The following QARS1 variants were observed in gnomAD, a reference collection of about 807,000 sequenced individuals.
The protein encoded by QARS1 is glutamine--tRNA ligase.
A neutral mutation model predicts 106.9 loss-of-function variants in QARS1; 79 were observed. The observed-to-expected ratio is 0.74, with a 90% CI of 0.62 to 0.89. QARS1 has a LOEUF of 0.89. Ranked by LOEUF, QARS1 falls within the 40% of genes least tolerant of loss-of-function variation. The pLI is 0.00. For missense variants in QARS1, 966 were observed against 997.2 expected (o/e 0.97, Z 0.42); for synonymous variants, 395 against 367.7 (o/e 1.07, Z -0.85).
chr3:49,099,197 C>T lies in QARS1; in HGVS notation c.1671G>A (p.Val557=), dbSNP rs115671018. The T allele has an allele frequency of 1.2e-6, 2 of 1,614,210 alleles. No homozygotes were observed. Among genetic ancestry groups the T allele is most frequent in the South Asian group, 2.2e-5 (2 of 91,088 alleles). Residue 557 remains valine (V), a synonymous_variant, in exon 18 of 24, where the codon GTG becomes GTA. Transcript: ENST00000306125. ...TMEPHLLEAC[V]RDVLNDTAPR... ...GGGCTGTGTCATTCAGCACATCACGCACACAGGCTTCTAGAAGATGTGGCT... is the reference window on the plus strand; with the variant it reads ...GGGCTGTGTCATTCAGCACATCACGTACACAGGCTTCTAGAAGATGTGGCT...
Position 49,103,872 on chromosome 3 carries a change from A to C in QARS1, c.366T>G (p.Ile122Met). The C allele has an allele frequency of 6.2e-7, 1 of 1,613,948 alleles. No homozygotes were observed. Among genetic ancestry groups the C allele is most frequent in the Non-Finnish European group, 8.5e-7 (1 of 1,179,968 alleles). ...CTGGGGAAAGACTCACAGCCTCCTCAATCTGCTCTGGGGTCACAATGACAC... is the reference window on the plus strand; with the variant it reads ...CTGGGGAAAGACTCACAGCCTCCTCCATCTGCTCTGGGGTCACAATGACAC... ...GVGVIVTPEQ[I>M]EEAVEAAINR... Residue 122 changes from isoleucine to methionine, a missense_variant, in exon 3 of 24, where the codon ATT (isoleucine) becomes ATG (methionine). Transcript: ENST00000306125.
intron 23 of QARS1, among the ~76,000 whole-genome samples, chr3:49,096,838 T>G (rs970546121): frequency 1.9e-5 from 1 of 52,696 alleles, no homozygotes; most frequent in African/African-American, 6.2e-5. Flanking sequence ...AAAAAAAATT[T>G]GCCGGGCGTG....
rs2042416941 is a variant in QARS1, at chr3:49,098,214, C to G, written c.2129G>C (p.Gly710Ala). 1 of 1,614,062 alleles carries G rather than the reference C, an allele frequency of 6.2e-7. No individual in the cohort carries two copies. The highest frequency in any genetic ancestry group is 8.5e-7 in the Non-Finnish European group (1 of 1,180,044). ...TACCAGGTTCAGGTCACTTAAAAAT[C>G]CACCAGGCACCTCAGTAGGATCTTC... Reference protein sequence around the residue: ...NPEDPTEVPGGFLSDLNLASL... With the variant: ...NPEDPTEVPGAFLSDLNLASL... Residue 710 changes from glycine to alanine, a missense_variant, in exon 22 of 24, where the codon GGA becomes GCA. Coordinates refer to ENST00000306125, the MANE Select transcript of QARS1 (RefSeq NM_005051.3).
chr3:49,100,469 A>G lies in QARS1; in HGVS notation c.977-11T>C, dbSNP rs2042455094. The G allele has an allele frequency of 6.2e-7, 1 of 1,613,900 alleles. No homozygotes were observed. Among genetic ancestry groups the G allele is most frequent in the Non-Finnish European group, 8.5e-7 (1 of 1,179,746 alleles). On this transcript the variant is annotated splice_polypyrimidine_tract_variant and intron_variant, in intron 11 of 23. Transcript: ENST00000306125. Reference sequence around the variant, plus strand: ...TGTAAGGTGTGTAGCCTGGGGCAAAATGAAACAAAGTATGAGCAGCCAGCC... The same window carrying G: ...TGTAAGGTGTGTAGCCTGGGGCAAAGTGAAACAAAGTATGAGCAGCCAGCC...
chr3:49,098,875 C>G lies in QARS1; in HGVS notation c.1863+10G>C, dbSNP rs749903302. ...AGCAGCAAACGGGACCCTCCACCCC[C>G]ACAATTTACCTCCTTGAAGTCAGTC... On this transcript the variant is annotated intron_variant, in intron 19 of 23. Coordinates refer to ENST00000306125, the MANE Select transcript of QARS1 (RefSeq NM_005051.3). 19 of 1,605,370 alleles carry G rather than the reference C, an allele frequency of 1.2e-5. No individual in the cohort carries two copies. The highest frequency in any genetic ancestry group is 1.5e-5 in the Non-Finnish European group (17 of 1,172,132).
chr3:49,096,116 G>A (rs991010881), intron 23 of QARS1, 37 bp from the exon 24 acceptor site: 3 of 1,610,506 alleles, frequency 1.9e-6, no homozygotes, highest in Non-Finnish European at 2.5e-6. Context: ...CACCAACCCA[G>A]AACAAGGCCA....
intron 5 of QARS1, 123 bp from the exon 6 acceptor site, chr3:49,102,595 C>G (rs930650398): frequency 2.0e-6 from 2 of 989,514 alleles, no homozygotes; most frequent in African/African-American, 3.2e-5. Context: ...AAAAACCTAC[C>G]TAGCCCATCC....
Position 49,100,035 on chromosome 3 carries a change from C to T in QARS1, c.1221G>A (p.Val407=), listed in dbSNP as rs2107102134. Residue 407 remains valine, a synonymous_variant, in exon 14 of 24, where the codon GTG becomes GTA. Coordinates refer to ENST00000306125, the MANE Select transcript of QARS1 (RefSeq NM_005051.3). The part of the protein sequence containing the change: ...EGEATLRMKL[V]MEDGKMDPVA... ...CAGGGTCCATCTTGCCATCCTCCATCACCAGCTTCATCCGTAGTGTGGCCT... is the reference window on the plus strand; with the variant it reads ...CAGGGTCCATCTTGCCATCCTCCATTACCAGCTTCATCCGTAGTGTGGCCT... 5 of 1,614,232 alleles carry T rather than the reference C, an allele frequency of 3.1e-6. No individual in the cohort carries two copies. Among genetic ancestry groups the T allele is most frequent in the Non-Finnish European group, 4.2e-6 (5 of 1,180,040 alleles).
At chr3:49,102,090 G>T in intron 7 of QARS1, 115 bp downstream of exon 7, 2 of 1,419,842 alleles carry the variant, frequency 1.4e-6, no homozygotes, top group Non-Finnish European at 9.8e-7. Flanking sequence ...CCAGTCTTGA[G>T]ACAGAAGTCA....
chr3:49,098,322 ACC>A, intron 21 of QARS1, 29 bp downstream of exon 21: 1 of 1,614,190 alleles, frequency 6.2e-7, no homozygotes, highest in South Asian at 1.1e-5. Context: ...TGCATCTTGT[ACC>A]TGCCCCCACC....
intron 23 of QARS1, 132 bp downstream of exon 23, chr3:49,097,860 C>G: frequency 1.5e-6 from 2 of 1,319,328 alleles, no homozygotes; most frequent in Non-Finnish European, 2.1e-6. Context: ...AGTTTCCTCA[C>G]TAGTAGAATA....
Position 49,100,689 on chromosome 3 carries a change from C to T in QARS1, c.877-15G>A, listed in dbSNP as rs368949211. On this transcript the variant is annotated splice_polypyrimidine_tract_variant and intron_variant, in intron 10 of 23. Transcript: ENST00000306125. ...CCATTGTTGGCCTAGGAAAGTTGCA[C>T]CATCTGTGAACTCCCACATCATCCA... The T allele has an allele frequency of 1.3e-4, 203 of 1,543,464 alleles. No homozygotes were observed. Among genetic ancestry groups the T allele is most frequent in the African/African-American group, 3.0e-4 (22 of 73,258 alleles).
In QARS1 at chr3:49,097,049, T is replaced by C. The variant is rs1256867893; in HGVS notation, c.2277+943A>G. The C allele has an allele frequency of 2.7e-5, 4 of 148,986 alleles. 1 individual carries two copies. Among genetic ancestry groups the C allele is most frequent in the African/African-American group, 9.9e-5 (4 of 40,568 alleles). The allele number at this position is 148,986 out of a possible 1,614,324, so 9.2% of individuals were successfully genotyped here. On this transcript the variant is annotated intron_variant, in intron 23 of 23. Transcript: ENST00000306125. ...TGGGCACAGTGGCTCATGCCTATAATCCCAGCACTCTAGGAGGCTGAGACA... is the reference window on the plus strand; with the variant it reads ...TGGGCACAGTGGCTCATGCCTATAACCCCAGCACTCTAGGAGGCTGAGACA...
At chr3:49,099,907 A>G in intron 14 of QARS1, 54 bp from the exon 15 acceptor site, 1 of 1,614,012 alleles carries the variant, frequency 6.2e-7, no homozygotes, top group Non-Finnish European at 8.5e-7. Flanking sequence ...GCCCTACCCC[A>G]TGGCCCATCG....
At chr3:49,100,777 T>C (rs1427341395) in intron 10 of QARS1, 103 bp from the exon 11 acceptor site, 2 of 1,057,244 alleles carry the variant, frequency 1.9e-6, no homozygotes, top group African/African-American at 3.1e-5. Flanking sequence ...GTCAGAATTT[T>C]CTTTTTTTTT....
intron 21 of QARS1, 35 bp from the exon 22 acceptor site, chr3:49,098,293 G>A: frequency 6.2e-7 from 1 of 1,614,152 alleles, no homozygotes; most frequent in African/African-American, 1.3e-5. Context: ...CCCCAGCTGG[G>A]CAGCCATAGC....
chr3:49,104,232 A>G, intron 2 of QARS1, 92 bp downstream of exon 2: 3 of 1,545,726 alleles, frequency 1.9e-6, no homozygotes, highest in Non-Finnish European at 2.7e-6. Context: ...GGTGTCTAGA[A>G]AGAAACTGGA....
intron 5 of QARS1, 91 bp from the exon 6 acceptor site, chr3:49,102,563 C>A: frequency 7.0e-7 from 1 of 1,432,588 alleles, no homozygotes. Context: ...GGCTTCCTGG[C>A]CTATCTACCA....
chr3:49,099,237 GC>G lies in QARS1; in HGVS notation c.1630del (p.Ala544HisfsTer10). 6.2e-7 allele frequency: 1 copy of G among 1,614,134 alleles called. No homozygotes were observed. Among genetic ancestry groups the G allele is most frequent in the Non-Finnish European group, 8.5e-7 (1 of 1,180,014 alleles). On this transcript the variant is annotated frameshift_variant, in exon 18 of 24. Coordinates refer to ENST00000306125, the MANE Select transcript of QARS1 (RefSeq NM_005051.3). LOFTEE classifies it high-confidence loss of function. ...AAGATGTGGCTCCATTGTGGTTTGT[GC>G]CACAGTCACTCCCACCTGGCAGGAA... is the stretch of plus-strand genomic sequence containing the variant. ...NFCARVGVTV[A>X]QTTMEPHLLE...
Sources: allele counts gnomAD v4.1 joint callset (sites outside exome capture counted in the v4.1 genomes callset), GRCh38; gene constraint gnomAD v4.1.1; transcripts MANE v1.5; gene names NCBI Gene and HGNC (gene_info 2026-07-23, HGNC 2026-07-21).